The following SDCCAG8 variants were observed in gnomAD, a reference collection of about 807,000 sequenced individuals.
The protein encoded by SDCCAG8 is SHH signaling and ciliogenesis regulator SDCCAG8.
A neutral mutation model predicts 101.8 loss-of-function variants in SDCCAG8; 74 were observed. That is an observed-to-expected ratio of 0.73 (90% confidence interval 0.60 to 0.88). SDCCAG8 has a LOEUF of 0.88. Ranked by LOEUF, SDCCAG8 falls within the 40% of genes least tolerant of loss-of-function variation. The pLI, the probability that SDCCAG8 is intolerant of heterozygous loss-of-function variation, is 0.00. For synonymous variants in SDCCAG8, 281 were observed against 292.9 expected, an observed-to-expected ratio of 0.96 and a Z score of 0.41; for missense variants, 787 against 822.6, an observed-to-expected ratio of 0.96 and a Z score of 0.53.
intron 17 of SDCCAG8, among the ~76,000 whole-genome samples, chr1:243,495,665 C>A (rs1355283402): frequency 2.0e-5 from 3 of 152,186 alleles, no homozygotes; most frequent in Non-Finnish European, 4.4e-5. Context: ...CTGACTGCCC[C>A]TCGGCTCTGT....
At chr1:243,457,662 T>C (rs1558496070) in intron 16 of SDCCAG8, among the ~76,000 whole-genome samples, 8 of 152,258 alleles carry the variant, frequency 5.3e-5, no homozygotes, top group Admixed American at 5.2e-4. Flanking sequence ...AAGTCCAATT[T>C]TTCATGCATT....
Position 243,348,648 on chromosome 1 carries a change from A to T in SDCCAG8, c.1473+4317A>T, listed in dbSNP as rs530122254. The stretch of plus-strand genomic sequence containing the variant: ...AAGATGAGACCACATACAGGAGTTC[A>T]GTCTCCATTGTTCCATCAGAGTACA... On this transcript the variant is annotated intron_variant, in intron 12 of 17. Coordinates refer to ENST00000366541, the MANE Select transcript of SDCCAG8 (RefSeq NM_006642.5). Among the ~76,000 whole-genome samples the T allele has an allele frequency of 1.9e-4, 29 of 152,122 alleles. No individual in the cohort carries two copies. In the East Asian group the frequency reaches 5.2e-3, roughly 28 times the overall value.
chr1:243,388,428 C>A (rs1034959099), intron 13 of SDCCAG8, among the ~76,000 whole-genome samples: 3 of 152,122 alleles, frequency 2.0e-5, no homozygotes, highest in Non-Finnish European at 4.4e-5. Flanking sequence ...TGGCTGGTAG[C>A]CTCTTCAGAA....
intron 16 of SDCCAG8, among the ~76,000 whole-genome samples, chr1:243,476,999 T>TAC (rs531152514): frequency 0.018 from 1,854 of 102,294 alleles, 11 homozygotes; most frequent in African/African-American, 0.036. Context: ...ACTGGTTCTG[T>TAC]ACACACACAC....
intron 12 of SDCCAG8, among the ~76,000 whole-genome samples, chr1:243,354,781 A>G (rs928236750): frequency 6.6e-6 from 1 of 152,270 alleles, no homozygotes; most frequent in Admixed American, 6.5e-5. Context: ...CTGGACACAG[A>G]TGACCTAGAA....
intron 16 of SDCCAG8, among the ~76,000 whole-genome samples, chr1:243,438,021 T>A (rs994950817): frequency 6.6e-6 from 1 of 152,168 alleles, no homozygotes; most frequent in South Asian, 2.1e-4. Flanking sequence ...TGAGAAGGTT[T>A]CTTGCCCCTC....
At chr1:243,279,371 T>C (rs1180209413) in intron 4 of SDCCAG8, among the ~76,000 whole-genome samples, 1 of 152,208 alleles carries the variant, frequency 6.6e-6, no homozygotes, top group East Asian at 1.9e-4. Flanking sequence ...GAATATACTA[T>C]AGATTATTGG....
intron 16 of SDCCAG8, among the ~76,000 whole-genome samples, chr1:243,469,830 GTTT>G (rs746906257): frequency 1.6e-5 from 2 of 123,522 alleles, no homozygotes; most frequent in Non-Finnish European, 1.7e-5. Flanking sequence ...GAAAGTGTTG[GTTT>G]TTTTTTTTTT....
intron 7 of SDCCAG8, chr1:243,307,681 A>C (rs554425152): frequency 8.5e-5 from 107 of 1,257,044 alleles, no homozygotes; most frequent in Non-Finnish European, 1.0e-4. Flanking sequence ...GGTTAATATA[A>C]CATTAATGGA....
At chr1:243,446,021 G>A (rs924098775) in intron 16 of SDCCAG8, among the ~76,000 whole-genome samples, 2 of 152,196 alleles carry the variant, frequency 1.3e-5, no homozygotes, top group East Asian at 3.9e-4. Flanking sequence ...GGGAGCACAA[G>A]CGCCCATTTG....
chr1:243,312,782 C>G lies in SDCCAG8; in HGVS notation c.930-3973C>G, dbSNP rs1420807940. On this transcript the variant is annotated intron_variant, in intron 8 of 17. Coordinates refer to ENST00000366541, the MANE Select transcript of SDCCAG8 (RefSeq NM_006642.5). ...CAGGCATGACTTGGAGACCAGGCCA[C>G]CCATATGTTTCTGGTGGTTTCTTAG... is the stretch of plus-strand genomic sequence containing the variant. Among the ~76,000 whole-genome samples, 3 of 151,680 alleles carry G rather than the reference C, an allele frequency of 2.0e-5. No individual in the cohort carries two copies. In the South Asian group the frequency reaches 6.2e-4, roughly 32 times the overall value.
intron 16 of SDCCAG8, among the ~76,000 whole-genome samples, chr1:243,428,484 A>G (rs1005239243): frequency 2.0e-5 from 3 of 152,208 alleles, no homozygotes; most frequent in Non-Finnish European, 4.4e-5. Flanking sequence ...CCATTTATAC[A>G]CAGATTCTTC....
At chr1:243,286,188 T>C (rs562074682) in intron 4 of SDCCAG8, 84 bp from the exon 5 acceptor site, 1 of 1,354,796 alleles carries the variant, frequency 7.4e-7, no homozygotes, top group East Asian at 2.3e-5. Context: ...CTTCCGTACT[T>C]TATATCATGC....
chr1:243,450,734 C>T (rs2083288471), intron 16 of SDCCAG8, among the ~76,000 whole-genome samples: 1 of 152,208 alleles, frequency 6.6e-6, no homozygotes, highest in Admixed American at 6.5e-5. Context: ...TCTCAGCTCA[C>T]TGCAACCTCT....
chr1:243,327,703 G>C (rs1317998827), intron 9 of SDCCAG8, among the ~76,000 whole-genome samples: 1 of 152,104 alleles, frequency 6.6e-6, no homozygotes, highest in African/African-American at 2.4e-5. Flanking sequence ...CTTTAATGGA[G>C]ATAGTGTATA....
intron 16 of SDCCAG8, among the ~76,000 whole-genome samples, chr1:243,470,653 C>T (rs1661075026): frequency 6.6e-6 from 1 of 152,030 alleles, no homozygotes; most frequent in African/African-American, 2.4e-5. Flanking sequence ...TACAGCCGTG[C>T]TGTGCTTGCT....
rs1402895427 is a variant in SDCCAG8, at chr1:243,474,234, A to G, written c.1986-14780A>G. ...TTACTCATTGCCTCTCAGGGGAAAG[A>G]ACTTGGGACGTGAGCATGGAGTTAA... On this transcript the variant is annotated intron_variant, in intron 16 of 17. Coordinates refer to ENST00000366541, the MANE Select transcript of SDCCAG8 (RefSeq NM_006642.5). The surrounding 1 kb of genome is among the most constrained non-coding windows in gnomAD (Gnocchi z 4.7). Among the ~76,000 whole-genome samples the G allele has an allele frequency of 2.0e-5, 3 of 152,168 alleles. No individual in the cohort carries two copies. The highest frequency in any genetic ancestry group is 2.9e-5 in the Non-Finnish European group (2 of 68,014).
chr1:243,461,114 T>C (rs1361188155), intron 16 of SDCCAG8, among the ~76,000 whole-genome samples: 1 of 152,182 alleles, frequency 6.6e-6, no homozygotes, highest in Non-Finnish European at 1.5e-5. Context: ...CCACAGCTGT[T>C]TCCCTGCTAA....
chr1:243,466,078 T>C (rs909846817), intron 16 of SDCCAG8, among the ~76,000 whole-genome samples: 10 of 152,224 alleles, frequency 6.6e-5, no homozygotes, highest in African/African-American at 2.4e-4. Context: ...CAATGCGCTA[T>C]GAGCTAGTCT....
Sources: gnomAD v4.1 joint callset for allele counts (sites outside exome capture counted in the v4.1 genomes callset) on GRCh38, gnomAD v4.1.1 for gene constraint, Gnocchi (gnomAD v3.1) non-coding constraint, MANE v1.5 for transcripts, NCBI Gene and HGNC (gene_info 2026-07-23, HGNC 2026-07-21) for gene names.